Variants in SBF2 observed in about 807,000 individuals in gnomAD.
SBF2 encodes SET binding factor 2.
SBF2 carries 112 observed loss-of-function variants against 225.2 expected under a neutral mutation model. The ratio of observed to expected loss-of-function variants is 0.50; its 90% CI spans 0.43 to 0.58. The LOEUF is 0.58. Among genes scored for constraint, SBF2 ranks in the 20% least tolerant of loss-of-function variants. The probability of loss-of-function intolerance (pLI) is 0.00; values close to 1 mark genes in which losing one functional copy is unlikely to be tolerated. For synonymous variants in SBF2, 763 were observed against 773.3 expected (o/e 0.99, Z 0.22); for missense variants, 1,996 against 2,206.2 (o/e 0.90, Z 1.91).
At chr11:9,882,795 C>CAAAA (rs56699466) in intron 17 of SBF2, among the ~76,000 whole-genome samples, 1,778 of 89,532 alleles carry the variant, frequency 0.02, 64 homozygotes, top group Non-Finnish European at 0.034. Context: ...GTGACAGAGT[C>CAAAA]AAAAAAAAAA....
At chr11:9,902,181 C>G (rs1861774042) in intron 16 of SBF2, among the ~76,000 whole-genome samples, 1 of 152,158 alleles carries the variant, frequency 6.6e-6, no homozygotes, top group Non-Finnish European at 1.5e-5. Context: ...GAGTCTGACA[C>G]TTTTATGGTC....
At chr11:9,998,238 A>G in intron 9 of SBF2, 28 bp downstream of exon 9, 1 of 1,265,598 alleles carries the variant, frequency 7.9e-7, no homozygotes, top group Admixed American at 1.7e-5. Context: ...AATAAAGAGA[A>G]AGTTACTATT....
At chr11:10,089,161 G>A (rs1951686512) in intron 2 of SBF2, among the ~76,000 whole-genome samples, 1 of 152,142 alleles carries the variant, frequency 6.6e-6, no homozygotes, top group Non-Finnish European at 1.5e-5. Flanking sequence ...CCCAAGTAGT[G>A]TACACTGAAC....
At chr11:9,825,800 A>G (rs1003765505) in intron 28 of SBF2, among the ~76,000 whole-genome samples, 1 of 152,208 alleles carries the variant, frequency 6.6e-6, no homozygotes, top group Admixed American at 6.5e-5. Flanking sequence ...TGATGCAGTG[A>G]ATTGTTTGAA....
chr11:9,897,897 T>C (rs958991221), intron 16 of SBF2, among the ~76,000 whole-genome samples: 2 of 152,184 alleles, frequency 1.3e-5, no homozygotes, highest in Non-Finnish European at 2.9e-5. Context: ...CTGCCTTTTG[T>C]ACTTGCTTTC....
intron 1 of SBF2, among the ~76,000 whole-genome samples, chr11:10,274,453 G>C (rs1441611905): frequency 1.1e-4 from 17 of 152,062 alleles, no homozygotes; most frequent in Non-Finnish European, 2.9e-5. Flanking sequence ...ATTTTATTAA[G>C]AGAATTATAA....
At chr11:10,156,090 C>T (rs906264254) in intron 2 of SBF2, among the ~76,000 whole-genome samples, 1 of 152,206 alleles carries the variant, frequency 6.6e-6, no homozygotes, top group East Asian at 1.9e-4. Context: ...CCAGGAAGCC[C>T]CCCCTATCCC....
At position 10,197,928 on chromosome 11, in the gene SBF2, G is replaced by C. The variant is rs145775204; in HGVS notation, c.56-3941C>G. On this transcript the variant is annotated intron_variant, in intron 1 of 39. Transcript: ENST00000256190. ...TGTAGCAATTCAGTCACATCTTCAGGCTCCACTTCTAACACTAGTTATTTT... is the reference window on the plus strand; with the variant it reads ...TGTAGCAATTCAGTCACATCTTCAGCCTCCACTTCTAACACTAGTTATTTT... Among the ~76,000 whole-genome samples the C allele has an allele frequency of 4.3e-4, 65 of 152,194 alleles. 1 individual carries two copies. The highest frequency in any genetic ancestry group is 1.6e-3 in the African/African-American group (65 of 41,538).
chr11:10,289,902 G>C lies in SBF2; in HGVS notation c.55+4113C>G, dbSNP rs528986500. 3.8e-3 allele frequency among the ~76,000 whole-genome samples: 583 copies of C among 152,208 alleles called. 4 individuals are homozygous for C. The highest frequency in any genetic ancestry group is 5.4e-3 in the South Asian group (26 of 4,832). On this transcript the variant is annotated intron_variant, in intron 1 of 39. Transcript: ENST00000256190. ...TGGGGAGGCTCCGGGCCTGAGGGCA[G>C]GTCCTGCCCAGAGGCACAAGGGCGG... is the stretch of plus-strand genomic sequence containing the variant.
At chr11:10,255,875 G>A (rs1960822018) in intron 1 of SBF2, among the ~76,000 whole-genome samples, 1 of 152,178 alleles carries the variant, frequency 6.6e-6, no homozygotes, top group Admixed American at 6.5e-5. Flanking sequence ...AGGAAACTAT[G>A]TCAAAACAGG....
chr11:10,178,997 T>C (rs1381604729), intron 2 of SBF2, among the ~76,000 whole-genome samples: 2 of 138,806 alleles, frequency 1.4e-5, no homozygotes, highest in Non-Finnish European at 3.1e-5. Flanking sequence ...GTATACACCA[T>C]GGAATACTAT....
chr11:9,850,430 AT>A (rs1322380710), intron 21 of SBF2, among the ~76,000 whole-genome samples: 1 of 151,878 alleles, frequency 6.6e-6, no homozygotes, highest in Non-Finnish European at 1.5e-5. Flanking sequence ...TTATTTTTAA[AT>A]TTTTTTTGTA....
chr11:9,943,180 A>G (rs1865384519), intron 16 of SBF2, among the ~76,000 whole-genome samples: 1 of 152,202 alleles, frequency 6.6e-6, no homozygotes, highest in Admixed American at 6.5e-5. Flanking sequence ...TTGGTTATTC[A>G]TTTGCAAAAA....
intron 1 of SBF2, among the ~76,000 whole-genome samples, chr11:10,234,268 T>A (rs1234031096): frequency 1.3e-5 from 2 of 152,186 alleles, no homozygotes; most frequent in African/African-American, 4.8e-5. Flanking sequence ...TAAATGCTTT[T>A]ACCCTGGCAT....
intron 1 of SBF2, among the ~76,000 whole-genome samples, chr11:10,251,460 G>A (rs966108594): frequency 6.6e-5 from 10 of 152,224 alleles, no homozygotes; most frequent in Non-Finnish European, 1.5e-4. Context: ...AAAAGTACCT[G>A]TGCAGCTACT....
At chr11:9,825,564 G>A (rs1855015625) in intron 28 of SBF2, among the ~76,000 whole-genome samples, 2 of 152,196 alleles carry the variant, frequency 1.3e-5, no homozygotes, top group Non-Finnish European at 2.9e-5. Flanking sequence ...ATTACAGAAA[G>A]TTCTGACGAG....
intron 1 of SBF2, among the ~76,000 whole-genome samples, chr11:10,252,999 C>T (rs1221386302): frequency 6.6e-6 from 1 of 151,376 alleles, no homozygotes; most frequent in Non-Finnish European, 1.5e-5. Flanking sequence ...TGGGATCTGC[C>T]CAGTTAGCAA....
chr11:9,817,849 T>C lies in SBF2; in HGVS notation c.3794-825A>G, dbSNP rs549067973. Among the ~76,000 whole-genome samples the C allele has an allele frequency of 1.3e-3, 199 of 151,782 alleles. 2 individuals carry two copies. The highest frequency in any genetic ancestry group is 3.1e-4 in the Non-Finnish European group (21 of 68,002). ...AGGTGGAGGTTGCAGTGAGCCAAGATAGCGCCACTGCGCTACATACTGGGC... is the reference window on the plus strand; with the variant it reads ...AGGTGGAGGTTGCAGTGAGCCAAGACAGCGCCACTGCGCTACATACTGGGC... On this transcript the variant is annotated intron_variant, in intron 28 of 39. Coordinates refer to ENST00000256190, the MANE Select transcript of SBF2 (RefSeq NM_030962.4).
chr11:10,213,653 C>T (rs1233290592), intron 1 of SBF2, among the ~76,000 whole-genome samples: 5 of 152,196 alleles, frequency 3.3e-5, no homozygotes, highest in East Asian at 3.9e-4. Flanking sequence ...GGTCTAGAGG[C>T]CAAAAGGTGG....
Sources: gnomAD v4.1 joint callset for allele counts (sites outside exome capture counted in the v4.1 genomes callset) on GRCh38, gnomAD v4.1.1 for gene constraint, MANE v1.5 for transcripts, NCBI Gene and HGNC (gene_info 2026-07-23, HGNC 2026-07-21) for gene names.